Variants in SLC35F4 observed in about 807,000 individuals in gnomAD.
The protein encoded by SLC35F4 is chromosome 14 open reading frame 36.
In SLC35F4, 24 loss-of-function variants were observed where a neutral mutation model predicts 44.2. The ratio of observed to expected loss-of-function variants is 0.54; its 90% CI spans 0.39 to 0.76. The LOEUF is 0.76. Among genes scored for constraint, SLC35F4 ranks in the 30% least tolerant of loss-of-function variants. The pLI, the probability that SLC35F4 is intolerant of heterozygous loss-of-function variation, is 0.00. For missense variants in SLC35F4, 562 were observed against 586.1 expected (o/e 0.96, Z 0.42); for synonymous variants, 238 against 223.6 (o/e 1.06, Z -0.57).
intron 1 of SLC35F4, among the ~76,000 whole-genome samples, chr14:57,697,485 G>A (rs1488731198): frequency 6.6e-6 from 1 of 151,938 alleles, no homozygotes; most frequent in Non-Finnish European, 1.5e-5. Context: ...AGATTGCTTT[G>A]AGCTCAGGAG....
rs78932591 is a variant in SLC35F4, at chr14:57,663,459, A to C, written c.104-69335T>G. Among the ~76,000 whole-genome samples, 1,295 of 152,302 alleles carry C rather than the reference A, an allele frequency of 8.5e-3. 27 individuals are homozygous for C. The highest frequency in any genetic ancestry group is 0.044 in the East Asian group (228 of 5,172). On this transcript the variant is annotated intron_variant, in intron 1 of 7. Coordinates refer to ENST00000556826, the MANE Select transcript of SLC35F4 (RefSeq NM_001306087.2). ...AGAATTATCCTACTGCCAAAGCCTC[A>C]TAATTGTTTGGTATTGTTACCAAGG...
chr14:57,903,906 T>C (rs1001138421), intron 1 of SLC35F4, among the ~76,000 whole-genome samples: 2 of 152,250 alleles, frequency 1.3e-5, no homozygotes, highest in African/African-American at 4.8e-5. Flanking sequence ...AAAAAATCTT[T>C]TGATTCTGTC....
chr14:57,866,012 C>A lies in SLC35F4; in HGVS notation c.-187G>T. On this transcript the variant is annotated 5_prime_UTR_variant, in exon 1 of 8. Coordinates refer to ENST00000556826, the MANE Select transcript of SLC35F4 (RefSeq NM_001306087.2). ...ACAGCGGCGGCGGCGGCGGCGGCGG[C>A]GGAGCGGCCCCCACTCGGGCCGGCC... 5.9e-6 allele frequency: 2 copies of A among 340,326 alleles called. No homozygotes were observed. The highest frequency in any genetic ancestry group is 5.2e-6 in the Non-Finnish European group (1 of 194,022). The allele number at this position is 340,326 out of a possible 1,614,324, so 21.1% of individuals were successfully genotyped here. A position where few individuals can be genotyped will look rare whatever the true frequency, so the allele number is the denominator to read the frequency against.
chr14:57,692,497 G>A (rs1317351331), intron 1 of SLC35F4, among the ~76,000 whole-genome samples: 1 of 152,018 alleles, frequency 6.6e-6, no homozygotes, highest in African/African-American at 2.4e-5. Context: ...ATTGATTTTA[G>A]TTCACCACTT....
chr14:57,850,394 T>C (rs1246041242), intron 1 of SLC35F4, among the ~76,000 whole-genome samples: 3 of 152,202 alleles, frequency 2.0e-5, no homozygotes, highest in Admixed American at 6.5e-5. Flanking sequence ...AGGGTCAAAA[T>C]TATCACCTCC....
chr14:57,571,444 C>T (rs955229580), intron 5 of SLC35F4, among the ~76,000 whole-genome samples: 1 of 152,196 alleles, frequency 6.6e-6, no homozygotes, highest in African/African-American at 2.4e-5. Context: ...TTATTTCTAA[C>T]ACCTCTTTTG....
chr14:57,575,101 C>T (rs2068712666), intron 4 of SLC35F4, among the ~76,000 whole-genome samples: 1 of 152,080 alleles, frequency 6.6e-6, no homozygotes, highest in Non-Finnish European at 1.5e-5. Flanking sequence ...CTAGTGGTGC[C>T]ACCTGCTCGG....
chr14:57,807,574 T>C (rs972369845), intron 1 of SLC35F4, among the ~76,000 whole-genome samples: 2 of 151,942 alleles, frequency 1.3e-5, no homozygotes, highest in Non-Finnish European at 2.9e-5. Flanking sequence ...AGAGTTTTCA[T>C]TCAGTACTGA....
chr14:57,790,179 C>T (rs1002310085), intron 1 of SLC35F4, among the ~76,000 whole-genome samples: 2 of 152,044 alleles, frequency 1.3e-5, no homozygotes, highest in African/African-American at 4.8e-5. Context: ...ATGGTATTCA[C>T]ATAGGAAGAG....
At chr14:57,950,687 TGAGACAGAG>T (rs1890121089) in intron 1 of SLC35F4, among the ~76,000 whole-genome samples, 1 of 150,622 alleles carries the variant, frequency 6.6e-6, no homozygotes, top group African/African-American at 2.4e-5. Flanking sequence ...TTTTTTTTTT[TGAGACAGAG>T]TCTTACTGTG....
intron 1 of SLC35F4, among the ~76,000 whole-genome samples, chr14:57,626,910 T>A (rs1207630260): frequency 6.6e-6 from 1 of 152,120 alleles, no homozygotes; most frequent in African/African-American, 2.4e-5. Flanking sequence ...AGTTTTCCCT[T>A]TTGAAAAGTT....
intron 1 of SLC35F4, among the ~76,000 whole-genome samples, chr14:57,699,710 T>G (rs1165947267): frequency 6.6e-6 from 1 of 152,208 alleles, no homozygotes; most frequent in Non-Finnish European, 1.5e-5. Context: ...GAAATTCTAT[T>G]TCCTTATAGT....
chr14:57,911,612 A>C (rs931887262), intron 1 of SLC35F4, among the ~76,000 whole-genome samples: 1 of 152,044 alleles, frequency 6.6e-6, no homozygotes, highest in Non-Finnish European at 1.5e-5. Flanking sequence ...ATATTGGACC[A>C]TCCTTGCAAA....
chr14:57,724,841 C>A (rs1462517229), intron 1 of SLC35F4, among the ~76,000 whole-genome samples: 1 of 152,156 alleles, frequency 6.6e-6, no homozygotes, highest in African/African-American at 2.4e-5. Flanking sequence ...GGAAATCTTC[C>A]CAGTGGGCAG....
At chr14:57,656,174 C>T (rs147676292) in intron 1 of SLC35F4, among the ~76,000 whole-genome samples, 4 of 152,050 alleles carry the variant, frequency 2.6e-5, no homozygotes, top group African/African-American at 4.8e-5. Context: ...TCCTATCTTG[C>T]GTATTAACCA....
chr14:57,664,982 A>G (rs553265438), intron 1 of SLC35F4, among the ~76,000 whole-genome samples: 1 of 152,164 alleles, frequency 6.6e-6, no homozygotes, highest in African/African-American at 2.4e-5. Flanking sequence ...GGCAGGAGCC[A>G]TGTGCTCCCC....
intron 1 of SLC35F4, among the ~76,000 whole-genome samples, chr14:57,839,715 A>G (rs1885307232): frequency 6.6e-6 from 1 of 152,178 alleles, no homozygotes; most frequent in Non-Finnish European, 1.5e-5. Flanking sequence ...TTACCTATGT[A>G]ACAAACCTGC....
Position 57,630,391 on chromosome 14 carries a change from A to G in SLC35F4, c.104-36267T>C, listed in dbSNP as rs1309508064. ...GCAGAAGCCATTCCAAATATGATAG[A>G]TTCAAACACTGAAATTAATCTTTTT... is the stretch of plus-strand genomic sequence containing the variant. On this transcript the variant is annotated intron_variant, in intron 1 of 7. Coordinates refer to ENST00000556826, the MANE Select transcript of SLC35F4 (RefSeq NM_001306087.2). 1.1e-5 allele frequency: 7 copies of G among 655,386 alleles called. No individual in the cohort carries two copies. In the East Asian group the frequency reaches 1.9e-4, roughly 18 times the overall value. 40.6% of individuals were successfully genotyped at this position (655,386 alleles called of 1,614,324 possible). A position where few individuals can be genotyped will look rare whatever the true frequency, so the allele number is the denominator to read the frequency against.
At chr14:57,667,037 T>C (rs1440641054) in intron 1 of SLC35F4, among the ~76,000 whole-genome samples, 4 of 151,406 alleles carry the variant, frequency 2.6e-5, no homozygotes, top group Non-Finnish European at 4.4e-5. Flanking sequence ...ATCAGGTACA[T>C]GTGACTTTTG....
Sources: allele counts gnomAD v4.1 joint callset (sites outside exome capture counted in the v4.1 genomes callset), GRCh38; gene constraint gnomAD v4.1.1; transcripts MANE v1.5; gene names NCBI Gene and HGNC (gene_info 2026-07-23, HGNC 2026-07-21).